The following ZNF750 variants were observed in gnomAD, a reference collection of about 807,000 sequenced individuals.
ZNF750 encodes zinc finger protein 750.
In ZNF750, 10 loss-of-function variants were observed where a neutral mutation model predicts 31.6. The ratio of observed to expected loss-of-function variants is 0.32; its 90% CI spans 0.19 to 0.54. The LOEUF (loss-of-function observed/expected upper bound fraction) is 0.54. Ranked by LOEUF, ZNF750 falls within the 20% of genes least tolerant of loss-of-function variation. ZNF750 has a pLI of 0.95. For missense variants in ZNF750, 914 were observed against 934.9 expected, an observed-to-expected ratio of 0.98 and a Z score of 0.29; for synonymous variants, 400 against 404.9, an observed-to-expected ratio of 0.99 and a Z score of 0.15.
At position 82,835,401 on chromosome 17, in the gene ZNF750, C is replaced by T. The variant is rs1303893026; in HGVS notation, c.-182-2765G>A. On this transcript the variant is annotated intron_variant, in intron 1 of 2. Transcript: ENST00000269394. This position sits in a 1 kb window ranked among gnomAD's most constrained non-coding sequence, Gnocchi z 4.5. ...TTTTGTTCTCAGCAAACTGGTTTCTCTACTGATTTATTCATATTTCTTTCT... is the reference window on the plus strand; with the variant it reads ...TTTTGTTCTCAGCAAACTGGTTTCTTTACTGATTTATTCATATTTCTTTCT... 2.0e-5 allele frequency among the ~76,000 whole-genome samples: 3 copies of T among 151,736 alleles called. No homozygotes were observed. Among genetic ancestry groups the T allele is most frequent in the East Asian group, 3.9e-4 (2 of 5,166 alleles).
In ZNF750 at chr17:82,835,291, C is replaced by T. The variant is rs74002548; in HGVS notation, c.-182-2655G>A. On this transcript the variant is annotated intron_variant, in intron 1 of 2. Transcript: ENST00000269394. The surrounding 1 kb of genome is among the most constrained non-coding windows in gnomAD (Gnocchi z 4.5). ...AGGCGCCACCCCTCCTCCCTGCACC[C>T]GTGTCCTTCCTCCCACACGCCAGGG... Among the ~76,000 whole-genome samples, 1,559 of 152,266 alleles carry T rather than the reference C, an allele frequency of 0.01. 21 individuals carry two copies. The highest frequency in any genetic ancestry group is 0.035 in the African/African-American group (1,449 of 41,542).
intron 1 of ZNF750, among the ~76,000 whole-genome samples, chr17:82,838,420 G>A (rs981267929): frequency 6.6e-6 from 1 of 152,132 alleles, no homozygotes; most frequent in African/African-American, 2.4e-5. Context: ...GGGTAACTAT[G>A]CTTGTCATGC....
chr17:82,839,120 A>C (rs2054239907), intron 1 of ZNF750, among the ~76,000 whole-genome samples: 1 of 152,246 alleles, frequency 6.6e-6, no homozygotes, highest in Admixed American at 6.5e-5. Flanking sequence ...GCCCAATTTT[A>C]AACTTCATGT....
Position 82,831,222 on chromosome 17 carries a change from G to A in ZNF750, c.1233C>T (p.Ser411=), listed in dbSNP as rs781775012. The change falls in exon 2 of 3, where the codon TCC becomes TCT. Residue 411 remains serine (S), a synonymous_variant. Transcript: ENST00000269394. The surrounding 1 kb of genome is among the most constrained non-coding windows in gnomAD (Gnocchi z 4.6). The part of the protein sequence containing the change: ...SPRAGSAATG[S]PGRPSPTDFM... ...AGTCGGTGGGGCTCGGCCTCCCTGG[G>A]GAGCCCGTGGCTGCACTCCCTGCGC... is the stretch of plus-strand genomic sequence containing the variant. 6.2e-7 allele frequency: 1 copy of A among 1,614,002 alleles called. No homozygotes were observed. Among genetic ancestry groups the A allele is most frequent in the South Asian group, 1.1e-5 (1 of 91,080 alleles).
chr17:82,831,734 C>G lies in ZNF750; in HGVS notation c.721G>C (p.Glu241Gln), dbSNP rs1202800235. ...TCTGTGTAAAAGTGAGGCGGGTACTCTGGGATTGTGGGGTGCATGTAAGGG... is the reference window on the plus strand; with the variant it reads ...TCTGTGTAAAAGTGAGGCGGGTACTGTGGGATTGTGGGGTGCATGTAAGGG... ...ISPYMHPTIP[E>Q]YPPHFYTEHG... Residue 241 changes from glutamate (E) to glutamine (Q), a missense_variant, in exon 2 of 3, where the codon GAG becomes CAG. By Grantham distance (29) the Glu-to-Gln change is conservative (BLOSUM62 2). Coordinates refer to ENST00000269394, the MANE Select transcript of ZNF750 (RefSeq NM_024702.3). This position sits in a 1 kb window ranked among gnomAD's most constrained non-coding sequence, Gnocchi z 4.6. 6 of 1,613,962 alleles carry G rather than the reference C, an allele frequency of 3.7e-6. No homozygotes were observed. The highest frequency in any genetic ancestry group is 5.1e-6 in the Non-Finnish European group (6 of 1,180,028).
rs983689175 is a variant in ZNF750, at chr17:82,832,592, G to A, written c.-138C>T. 2.3e-5 allele frequency: 18 copies of A among 779,040 alleles called. No individual in the cohort carries two copies. The highest frequency in any genetic ancestry group is 3.0e-5 in the Non-Finnish European group (14 of 462,288). The allele number at this position is 779,040 out of a possible 1,614,324, so 48.3% of individuals were successfully genotyped here. On this transcript the variant is annotated 5_prime_UTR_variant, in exon 2 of 3. It adds an upstream start codon to the 5' untranslated region. Transcript: ENST00000269394. This position sits in a 1 kb window ranked among gnomAD's most constrained non-coding sequence, Gnocchi z 4.9. ...CACTTCTATCAGAAGCCAGCTCTGC[G>A]TGCTGAGGGTCTGGCGAGAGCCTCC...
At chr17:82,838,772 G>C in intron 1 of ZNF750, 1 of 985,444 alleles carries the variant, frequency 1.0e-6, no homozygotes, top group African/African-American at 1.7e-5. Flanking sequence ...AATGGATCCA[G>C]AAAAACAACC....
At position 82,831,660 on chromosome 17, in the gene ZNF750, C is replaced by A. The variant is rs375619355; in HGVS notation, c.795G>T (p.Ser265=). 15 of 1,613,970 alleles carry A rather than the reference C, an allele frequency of 9.3e-6. No homozygotes were observed. Among genetic ancestry groups the A allele is most frequent in the Middle Eastern group, 1.6e-4 (1 of 6,084 alleles). ...ACAGCAGGGGTGCGTCACACTCAGG[C>A]GAGCTCCCAGCCAGCAGGTAAGGCG... The part of the protein sequence containing the change: ...IYSPYLLAGS[S]PECDAPLLSV... Residue 265 remains serine (S), a synonymous_variant, in exon 2 of 3, where the codon TCG becomes TCT. Transcript: ENST00000269394. The surrounding 1 kb of genome is among the most constrained non-coding windows in gnomAD (Gnocchi z 4.6).
chr17:82,834,613 C>T (rs1298193674), intron 1 of ZNF750, among the ~76,000 whole-genome samples: 1 of 150,466 alleles, frequency 6.6e-6, no homozygotes, highest in Non-Finnish European at 1.5e-5. Flanking sequence ...CAAACTAACG[C>T]AGGAAGAGAA....
In ZNF750 at chr17:82,831,329, C is replaced by T. The variant is rs377096198; in HGVS notation, c.1126G>A (p.Glu376Lys). The T allele has an allele frequency of 8.7e-6, 14 of 1,613,908 alleles. No homozygotes were observed. In the African/African-American group the frequency reaches 1.3e-4, roughly 15 times the overall value. ...NPSDPNRKHV[E>K]FESPIPEAKD... ...GCCTCAGGAATTGGACTTTCGAACT[C>T]GACGTGTTTTCTGTTGGGGTCCGAA... Residue 376 changes from glutamate to lysine, a missense_variant, in exon 2 of 3, where the codon GAG becomes AAG. Glu to Lys is a moderately conservative substitution (Grantham distance 56). Coordinates refer to ENST00000269394, the MANE Select transcript of ZNF750 (RefSeq NM_024702.3). The surrounding 1 kb of genome is among the most constrained non-coding windows in gnomAD (Gnocchi z 4.6).
At position 82,831,173 on chromosome 17, in the gene ZNF750, C is replaced by T. The variant is rs572349776; in HGVS notation, c.1282G>A (p.Glu428Lys). ...TTGTTGGAGAGGTCGTACAGGCCTT[C>T]GCAGGTCTGGCTCGTCTGCATGAAG... The part of the protein sequence containing the change: ...TDFMQTSQTC[E>K]GLYDLSNKAA... Residue 428 changes from glutamate to lysine, a missense_variant, in exon 2 of 3, where the codon GAA becomes AAA. Glu to Lys is a moderately conservative substitution (Grantham distance 56). This residue lies in a region of ZNF750 where 880 missense variants were observed against 868.9 expected (regional missense o/e 1.01). Transcript: ENST00000269394. The surrounding 1 kb of genome is among the most constrained non-coding windows in gnomAD (Gnocchi z 4.6). 10 of 1,614,104 alleles carry T rather than the reference C, an allele frequency of 6.2e-6. No homozygotes were observed. In the South Asian group the frequency reaches 9.9e-5, roughly 16 times the overall value.
At position 82,835,748 on chromosome 17, in the gene ZNF750, C is replaced by T. The variant is rs2053915054; in HGVS notation, c.-182-3112G>A. On this transcript the variant is annotated intron_variant, in intron 1 of 2. Coordinates refer to ENST00000269394, the MANE Select transcript of ZNF750 (RefSeq NM_024702.3). The surrounding 1 kb of genome is among the most constrained non-coding windows in gnomAD (Gnocchi z 4.5). ...CTCATTTATTTATAATTCTTAAAAA[C>T]ACAACCACCCTTCCCCCTACAAACT... Among the ~76,000 whole-genome samples the T allele has an allele frequency of 6.6e-6, 1 of 152,180 alleles. No individual in the cohort carries two copies. The highest frequency in any genetic ancestry group is 2.1e-4 in the South Asian group (1 of 4,832).
chr17:82,832,059 G>C lies in ZNF750; in HGVS notation c.396C>G (p.Leu132=). The C allele has an allele frequency of 6.2e-7, 1 of 1,613,966 alleles. No individual in the cohort carries two copies. The highest frequency in any genetic ancestry group is 8.5e-7 in the Non-Finnish European group (1 of 1,179,848). Residue 132 remains leucine (L), a synonymous_variant, in exon 2 of 3, where the codon CTC becomes CTG. Coordinates refer to ENST00000269394, the MANE Select transcript of ZNF750 (RefSeq NM_024702.3). This position sits in a 1 kb window ranked among gnomAD's most constrained non-coding sequence, Gnocchi z 4.9. ...THRCLGQKPA[L]HRASPCKSPA... is the part of the protein sequence containing the mutation. ...GGCTCTTGCAGGGTGATGCCCTGTG[G>C]AGGGCTGGCTTCTGTCCCAGGCACC...
At chr17:82,834,448 A>C (rs1181485794) in intron 1 of ZNF750, among the ~76,000 whole-genome samples, 1 of 152,236 alleles carries the variant, frequency 6.6e-6, no homozygotes, top group Admixed American at 6.5e-5. Context: ...AACAGCTTAA[A>C]AATAAAGTTA....
rs548410198 is a variant in ZNF750, at chr17:82,834,942, A to G, written c.-182-2306T>C. Among the ~76,000 whole-genome samples, 18 of 152,150 alleles carry G rather than the reference A, an allele frequency of 1.2e-4. No homozygotes were observed. In the East Asian group the frequency reaches 2.1e-3, roughly 18 times the overall value. ...GCTGGGGGCCGTGGCTCATGCCTGT[A>G]ATCCCAGCACTTTGGGAGGCCGAGG... On this transcript the variant is annotated intron_variant, in intron 1 of 2. Transcript: ENST00000269394.
rs542164319 is a variant in ZNF750 at position 82,836,928 on chromosome 17, A to G, written c.-183+2999T>C. Among the ~76,000 whole-genome samples the G allele has an allele frequency of 2.0e-5, 3 of 152,164 alleles. No individual in the cohort carries two copies. The East Asian group carries it at 5.8e-4, about 29-fold the overall frequency. On this transcript the variant is annotated intron_variant, in intron 1 of 2. Transcript: ENST00000269394. ...CACGTAAGCGGGTGTGGCAGGGAGG[A>G]AGCCCCTGGTGGTGAGAGTGTTTGG...
Position 82,830,919 on chromosome 17 carries a change from A to T in ZNF750, c.1437-42T>A, listed in dbSNP as rs755072368. On this transcript the variant is annotated intron_variant, in intron 2 of 2. Coordinates refer to ENST00000269394, the MANE Select transcript of ZNF750 (RefSeq NM_024702.3). ...AAAAGCTTAGTAGGAGCTTGCTTAG[A>T]AAAGCAACTGCGTGAAGCAGTGTGA... 39 of 1,613,028 alleles carry T rather than the reference A, an allele frequency of 2.4e-5. No individual in the cohort carries two copies. The African/African-American group carries it at 3.6e-4, about 15-fold the overall frequency.
intron 1 of ZNF750, among the ~76,000 whole-genome samples, chr17:82,836,651 G>A (rs568093315): frequency 6.7e-6 from 1 of 149,018 alleles, no homozygotes; most frequent in East Asian, 2.0e-4. Flanking sequence ...TTCAGTTTTC[G>A]AAGCAGCATT....
At position 82,830,402 on chromosome 17, in the gene ZNF750, G is replaced by A. The variant is rs140967545; in HGVS notation, c.1912C>T (p.Leu638=). 113 of 1,611,774 alleles carry A rather than the reference G, an allele frequency of 7.0e-5. No homozygotes were observed. Among genetic ancestry groups the A allele is most frequent in the Non-Finnish European group, 9.5e-5 (112 of 1,179,970 alleles). Residue 638 remains leucine, a synonymous_variant, in exon 3 of 3, where the codon CTG becomes TTG. Transcript: ENST00000269394. ...GGGCTGTAGGCCGCCAGCTGGCACA[G>A]GGCCACGGCTGCCGTCTGCTTCTGC... ...EEQKQTAAVA[L]CQLAAYSPRN...
Sources: allele counts gnomAD v4.1 joint callset (sites outside exome capture counted in the v4.1 genomes callset), GRCh38; gene constraint gnomAD v4.1.1; regional missense constraint gnomAD v4.1.1; non-coding constraint Gnocchi (gnomAD v3.1); transcripts MANE v1.5; gene names NCBI Gene and HGNC (gene_info 2026-07-23, HGNC 2026-07-21).